RALGPS1: variants seen among roughly 807,000 people sequenced by gnomAD.
The protein encoded by RALGPS1 is ras-specific guanine nucleotide-releasing factor RalGPS1.
RALGPS1 carries 19 observed loss-of-function variants against 78.8 expected under a neutral mutation model. That is an observed-to-expected ratio of 0.24 (90% CI 0.17 to 0.35). The LOEUF (loss-of-function observed/expected upper bound fraction) is 0.35. RALGPS1 is among the 10% of genes least tolerant of loss of function. RALGPS1 has a pLI of 1.00. For missense variants in RALGPS1, 454 were observed against 688.3 expected (o/e 0.66, Z 3.81); for synonymous variants, 228 against 256.3 (o/e 0.89, Z 1.06).
intron 17 of RALGPS1, chr9:127,213,651 G>A (rs942352374): frequency 3.3e-5 from 5 of 152,646 alleles, no homozygotes; most frequent in East Asian, 1.9e-4. Flanking sequence ...CATGTCACAT[G>A]ACAAAAACCC....
chr9:126,929,396 C>A (rs532377582), intron 1 of RALGPS1, among the ~76,000 whole-genome samples: 74 of 152,298 alleles, frequency 4.9e-4, no homozygotes, highest in Admixed American at 5.9e-4. Context: ...TGAATCAACA[C>A]CTGGAGGTGA....
rs71377987 is a variant in RALGPS1, at chr9:127,046,672, C to CAAAAAAAAAA, written c.301-3359_301-3350dup. ...GTGACATAGTGAGACCCCATCCATA[C>CAAAAAAAAAA]AAAAAAAAAAAAAAAAAAAAAGCCA... On this transcript the variant is annotated intron_variant, in intron 5 of 18. Coordinates refer to ENST00000259351, the MANE Select transcript of RALGPS1 (RefSeq NM_014636.3). Among the ~76,000 whole-genome samples, 4 of 40,450 alleles carry CAAAAAAAAAA rather than the reference C, an allele frequency of 9.9e-5. 1 individual carries two copies. Among genetic ancestry groups the CAAAAAAAAAA allele is most frequent in the African/African-American group, 2.6e-4 (3 of 11,498 alleles). 26.5% of individuals were successfully genotyped at this position (40,450 alleles called of 152,430 possible). A position where few individuals can be genotyped will look rare whatever the true frequency, so the allele number is the denominator to read the frequency against.
intron 7 of RALGPS1, among the ~76,000 whole-genome samples, chr9:127,053,152 G>C (rs1196277837): frequency 6.6e-6 from 1 of 152,164 alleles, no homozygotes. Flanking sequence ...GACGTGGCTG[G>C]GGTCAGAAGC....
At chr9:127,009,407 A>G (rs2044150318) in intron 4 of RALGPS1, among the ~76,000 whole-genome samples, 1 of 152,184 alleles carries the variant, frequency 6.6e-6, no homozygotes, top group East Asian at 1.9e-4. Flanking sequence ...CCTCCAATCC[A>G]TCAAGGGGAC....
At chr9:126,956,475 C>T (rs1452734672) in intron 1 of RALGPS1, among the ~76,000 whole-genome samples, 9 of 152,186 alleles carry the variant, frequency 5.9e-5, no homozygotes, top group Admixed American at 2.0e-4. Context: ...CGAGACATGC[C>T]GGAGTCAGAC....
Position 126,962,218 on chromosome 9 carries a change from C to G in RALGPS1, c.-65-7C>G, listed in dbSNP as rs1271044378. On this transcript the variant is annotated splice_region_variant and splice_polypyrimidine_tract_variant and intron_variant, in intron 1 of 18. Transcript: ENST00000259351. ...GACTGATTTTTATGAGCCCCTTTGCCTTGCAGGACTTCTCCAGACAGGTTA... is the reference window on the plus strand; with the variant it reads ...GACTGATTTTTATGAGCCCCTTTGCGTTGCAGGACTTCTCCAGACAGGTTA... The G allele has an allele frequency of 7.9e-6, 12 of 1,517,344 alleles. No homozygotes were observed. In the South Asian group the frequency reaches 8.1e-5, roughly 10 times the overall value. 94.0% of individuals were successfully genotyped at this position (1,517,344 alleles called of 1,614,324 possible).
intron 7 of RALGPS1, among the ~76,000 whole-genome samples, chr9:127,065,862 A>G (rs952317973): frequency 1.3e-5 from 2 of 152,186 alleles, no homozygotes; most frequent in Admixed American, 6.5e-5. Context: ...ATCTAGAGGA[A>G]ATTCTCAGTT....
At chr9:127,182,124 G>A (rs1015724654) in intron 11 of RALGPS1, among the ~76,000 whole-genome samples, 23 of 150,870 alleles carry the variant, frequency 1.5e-4, no homozygotes, top group African/African-American at 5.4e-4. Context: ...GATGGCTTGA[G>A]CCCAGAGTAG....
rs1030403163 is a variant in RALGPS1, at chr9:127,222,499, A to G, written c.*3730A>G. On this transcript the variant is annotated 3_prime_UTR_variant, in exon 19 of 19. Coordinates refer to ENST00000259351, the MANE Select transcript of RALGPS1 (RefSeq NM_014636.3). The stretch of plus-strand genomic sequence containing the variant: ...AATTTCAATGTTAAATACAACTACA[A>G]TATGAGCGAGAACTGCATTTTCTTG... 1 of 152,372 alleles carries G rather than the reference A, an allele frequency of 6.6e-6. No individual in the cohort carries two copies. Among genetic ancestry groups the G allele is most frequent in the Non-Finnish European group, 1.5e-5 (1 of 68,042 alleles). The allele number at this position is 152,372 out of a possible 1,614,324, so 9.4% of individuals were successfully genotyped here.
intron 7 of RALGPS1, 60 bp downstream of exon 7, chr9:127,052,999 C>A: frequency 8.6e-7 from 1 of 1,158,902 alleles, no homozygotes; most frequent in Non-Finnish European, 1.3e-6. Context: ...TGAAGTTCTT[C>A]ATTCCACAAG....
intron 8 of RALGPS1, among the ~76,000 whole-genome samples, chr9:127,134,163 AG>A (rs548476383): frequency 5.9e-5 from 9 of 151,916 alleles, no homozygotes; most frequent in Admixed American, 2.6e-4. Flanking sequence ...CTCCACACAC[AG>A]GGGGGGTCTC....
chr9:126,959,064 CTTT>C (rs35067123), intron 1 of RALGPS1, among the ~76,000 whole-genome samples: 3 of 136,312 alleles, frequency 2.2e-5, no homozygotes, highest in Admixed American at 7.3e-5. Flanking sequence ...TCTTCTTCTT[CTTT>C]TTTTTTTTTT....
intron 13 of RALGPS1, among the ~76,000 whole-genome samples, chr9:127,198,431 C>T (rs1306462818): frequency 6.6e-6 from 1 of 152,174 alleles, no homozygotes; most frequent in Non-Finnish European, 1.5e-5. Context: ...CTTAGAGAGC[C>T]CGGGAGAAGC....
rs148295608 is a variant in RALGPS1, at chr9:127,215,281, C to T, written c.1644+439C>T. Among the ~76,000 whole-genome samples, 631 of 152,310 alleles carry T rather than the reference C, an allele frequency of 4.1e-3. 7 individuals carry two copies. The highest frequency in any genetic ancestry group is 0.014 in the African/African-American group (595 of 41,564). ...CTTACTGACAGCCAGCCATGGACCA[C>T]GCAAAGCTGCTGGTGAAAGGGGGTC... On this transcript the variant is annotated intron_variant, in intron 18 of 18. Coordinates refer to ENST00000259351, the MANE Select transcript of RALGPS1 (RefSeq NM_014636.3).
intron 8 of RALGPS1, among the ~76,000 whole-genome samples, chr9:127,106,542 G>A (rs1048275933): frequency 1.3e-5 from 2 of 152,170 alleles, no homozygotes; most frequent in Admixed American, 6.5e-5. Flanking sequence ...TGAGGAAACC[G>A]AGCCTCAGGG....
intron 6 of RALGPS1, among the ~76,000 whole-genome samples, chr9:127,050,751 A>C (rs1423483671): frequency 6.6e-6 from 1 of 152,094 alleles, no homozygotes; most frequent in African/African-American, 2.4e-5. Context: ...TGTCACGCCC[A>C]GTAGCTCCTC....
intron 1 of RALGPS1, among the ~76,000 whole-genome samples, chr9:126,937,140 G>T (rs1227477136): frequency 6.6e-6 from 1 of 152,172 alleles, no homozygotes; most frequent in Admixed American, 6.5e-5. Flanking sequence ...ATGAGCCACG[G>T]CTGGAACAGC....
At chr9:127,031,078 C>T (rs2046395579) in intron 4 of RALGPS1, among the ~76,000 whole-genome samples, 3 of 152,182 alleles carry the variant, frequency 2.0e-5, no homozygotes, top group Admixed American at 6.5e-5. Flanking sequence ...GTGCGACAGT[C>T]CCTGGGTAGC....
At chr9:127,217,066 C>A (rs2062627842) in intron 18 of RALGPS1, 1 of 1,422,114 alleles carries the variant, frequency 7.0e-7, no homozygotes, top group Non-Finnish European at 9.2e-7. Flanking sequence ...AACCCATTGT[C>A]CCTCTTTGGA....
Sources: gnomAD v4.1 joint callset for allele counts (sites outside exome capture counted in the v4.1 genomes callset) on GRCh38, gnomAD v4.1.1 for gene constraint, MANE v1.5 for transcripts, NCBI Gene and HGNC (gene_info 2026-07-23, HGNC 2026-07-21) for gene names.